Variants in FBN1 observed in about 807,000 individuals in gnomAD.
FBN1 encodes fibrillin-1.
A neutral mutation model predicts 365.1 loss-of-function variants in FBN1; 29 were observed. The ratio of observed to expected loss-of-function variants is 0.08; its 90% CI spans 0.06 to 0.11. The LOEUF (loss-of-function observed/expected upper bound fraction) is 0.11. Ranked by LOEUF, FBN1 falls within the 10% of genes least tolerant of loss-of-function variation. The probability of loss-of-function intolerance (pLI) is 1.00; values close to 1 mark genes in which losing one functional copy is unlikely to be tolerated. For synonymous variants in FBN1, 1,210 were observed against 1,270.5 expected, an observed-to-expected ratio of 0.95 and a Z score of 1.01; for missense variants, 2,476 against 3,703.2, an observed-to-expected ratio of 0.67 and a Z score of 8.60.
At chr15:48,423,986 G>C (rs2042961267) in intron 60 of FBN1, among the ~76,000 whole-genome samples, 1 of 152,098 alleles carries the variant, frequency 6.6e-6, no homozygotes, top group Non-Finnish European at 1.5e-5. Flanking sequence ...CCAGAGGTTA[G>C]AAAAAATGCT....
chr15:48,426,085 C>T (rs2042977700), intron 58 of FBN1, among the ~76,000 whole-genome samples: 1 of 152,070 alleles, frequency 6.6e-6, no homozygotes, highest in African/African-American at 2.4e-5. Context: ...AATAATTCAG[C>T]CACAGAAAAA....
rs1555398173 is a variant in FBN1, at chr15:48,481,768, C to T, written c.3851G>A (p.Cys1284Tyr). 1 of 1,613,368 alleles carries T rather than the reference C, an allele frequency of 6.2e-7. No homozygotes were observed. ...TAGGCAGATATTTGGATTCAGGTCACACTCATTGACATCTGTAAAACATAT... is the reference window on the plus strand; with the variant it reads ...TAGGCAGATATTTGGATTCAGGTCATACTCATTGACATCTGTAAAACATAT... ...DMKTCVDVNE[C>Y]DLNPNICLSG... The change falls in exon 32 of 66, where the codon TGT (cysteine) becomes TAT (tyrosine). Residue 1284 changes from cysteine to tyrosine, a missense_variant. Cys to Tyr is a radical substitution (Grantham distance 194). Transcript: ENST00000316623.
intron 4 of FBN1, among the ~76,000 whole-genome samples, chr15:48,605,896 A>G (rs888290635): frequency 6.6e-6 from 1 of 152,208 alleles, no homozygotes; most frequent in Non-Finnish European, 1.5e-5. Context: ...TTAATGAAAA[A>G]TAAGAATCTG....
rs1332916803 is a variant in FBN1 at position 48,436,944 on chromosome 15, G to A, written c.6496+17C>T. The A allele has an allele frequency of 6.8e-7, 1 of 1,466,128 alleles. No individual in the cohort carries two copies. The highest frequency in any genetic ancestry group is 2.3e-5 in the East Asian group (1 of 44,164). The allele number at this position is 1,466,128 out of a possible 1,614,324, so 90.8% of individuals were successfully genotyped here. A position where few individuals can be genotyped will look rare whatever the true frequency, so the allele number is the denominator to read the frequency against. ...TTTAATTTGTAAAGTTCCTATGGAAGAAAACTTATTACTCACCTACACATT... is the reference window on the plus strand; with the variant it reads ...TTTAATTTGTAAAGTTCCTATGGAAAAAAACTTATTACTCACCTACACATT... On this transcript the variant is annotated intron_variant, in intron 53 of 65. Transcript: ENST00000316623.
At chr15:48,571,546 G>A (rs12910434) in intron 6 of FBN1, among the ~76,000 whole-genome samples, 22,217 of 151,906 alleles carry the variant, frequency 0.15, 1,840 homozygotes, top group East Asian at 0.36. Context: ...TTAAAGTAAA[G>A]AAGATTAAAA....
intron 32 of FBN1, among the ~76,000 whole-genome samples, chr15:48,478,371 G>C (rs972223443): frequency 6.6e-6 from 1 of 152,170 alleles, no homozygotes; most frequent in Non-Finnish European, 1.5e-5. Flanking sequence ...ATCCACCAGA[G>C]ACATTTCTCT....
chr15:48,631,272 G>C (rs1167820655), intron 2 of FBN1, among the ~76,000 whole-genome samples: 1 of 152,190 alleles, frequency 6.6e-6, no homozygotes, highest in Non-Finnish European at 1.5e-5. Flanking sequence ...TGAGCATTAT[G>C]TTGCTGCATG....
At chr15:48,506,255 A>T (rs2043706733) in intron 15 of FBN1, among the ~76,000 whole-genome samples, 1 of 152,158 alleles carries the variant, frequency 6.6e-6, no homozygotes, top group Non-Finnish European at 1.5e-5. Flanking sequence ...AAAAAAGCAA[A>T]TGATTTTATA....
chr15:48,489,368 T>A (rs1438149819), intron 25 of FBN1, among the ~76,000 whole-genome samples: 1 of 152,030 alleles, frequency 6.6e-6, no homozygotes, highest in Non-Finnish European at 1.5e-5. Flanking sequence ...ATTAATATAA[T>A]TTAAAGAGCT....
intron 42 of FBN1, 130 bp from the exon 43 acceptor site, chr15:48,460,447 A>G (rs2043272391): frequency 2.9e-6 from 2 of 682,706 alleles, no homozygotes; most frequent in African/African-American, 3.6e-5. Flanking sequence ...TTAAAATAAA[A>G]AGTAAACCTG....
intron 4 of FBN1, among the ~76,000 whole-genome samples, chr15:48,609,463 G>A (rs1195207136): frequency 6.6e-6 from 1 of 152,224 alleles, no homozygotes; most frequent in African/African-American, 2.4e-5. Context: ...GAGTGGGAAA[G>A]TGAGACAAAA....
intron 32 of FBN1, among the ~76,000 whole-genome samples, chr15:48,478,604 A>G (rs927033324): frequency 6.6e-6 from 1 of 152,200 alleles, no homozygotes; most frequent in Non-Finnish European, 1.5e-5. Flanking sequence ...AACAAGCAGC[A>G]GAAGCCTTAC....
intron 2 of FBN1, chr15:48,643,313 T>A (rs961313660): frequency 1.3e-5 from 2 of 152,202 alleles, no homozygotes; most frequent in African/African-American, 4.8e-5. Flanking sequence ...CCTTCCAACA[T>A]TATCGGAATT....
chr15:48,629,006 G>T (rs760952106), intron 2 of FBN1, among the ~76,000 whole-genome samples: 4 of 152,166 alleles, frequency 2.6e-5, no homozygotes, highest in Admixed American at 6.5e-5. Context: ...CATACCACTG[G>T]AATGCAGTCA....
chr15:48,520,785 T>G lies in FBN1; in HGVS notation c.1021A>C (p.Thr341Pro). The G allele has an allele frequency of 6.2e-7, 1 of 1,614,176 alleles. No homozygotes were observed. ...VRPGYCYTALTNGRCSNQLPQ... is the reference protein window; with the variant it reads ...VRPGYCYTALPNGRCSNQLPQ... Reference sequence around the variant, plus strand: ...AGCTGGTTAGAGCAGCGCCCGTTTGTCAGAGCTGTGTAACAGTATCCTGGG... The same window carrying G: ...AGCTGGTTAGAGCAGCGCCCGTTTGGCAGAGCTGTGTAACAGTATCCTGGG... The change falls in exon 10 of 66, where the codon ACA becomes CCA. Residue 341 changes from threonine to proline, a missense_variant. Physicochemically the swap from Thr to Pro is conservative, Grantham distance 38 (BLOSUM62 -1). Around this residue, in one of 5 missense-constraint regions of FBN1, gnomAD observed 421 missense variants for 520.1 expected, o/e 0.81. Coordinates refer to ENST00000316623, the MANE Select transcript of FBN1 (RefSeq NM_000138.5).
chr15:48,516,333 T>G lies in FBN1; in HGVS notation c.1177A>C (p.Met393Leu). The change falls in exon 11 of 66, where the codon ATG becomes CTG. Residue 393 changes from methionine (M) to leucine (L), a missense_variant. Physicochemically the swap from Met to Leu is conservative, Grantham distance 15. This residue lies in a region of FBN1 where 421 missense variants were observed against 520.1 expected (regional missense o/e 0.81). Transcript: ENST00000316623. The part of the protein sequence containing the change: ...EDFNKLCSVP[M>L]VIPGRPEYPP... ...TATTCTGGTCTCCCAGGAATTACCA[T>G]AGGAACAGAGCACAGCTTGTTGAAA... 6.2e-7 allele frequency: 1 copy of G among 1,613,846 alleles called. No individual in the cohort carries two copies. Among genetic ancestry groups the G allele is most frequent in the Non-Finnish European group, 8.5e-7 (1 of 1,179,920 alleles).
chr15:48,411,980 C>T (rs1195064850), intron 65 of FBN1, among the ~76,000 whole-genome samples: 1 of 152,354 alleles, frequency 6.6e-6, no homozygotes, highest in East Asian at 1.9e-4. Flanking sequence ...ATATTCAATG[C>T]TTTTCACCTG....
chr15:48,534,020 A>G (rs2043993060), intron 8 of FBN1, 60 bp downstream of exon 8: 6 of 1,607,588 alleles, frequency 3.7e-6, no homozygotes, highest in Admixed American at 1.7e-5. Flanking sequence ...GCTTGTTTCT[A>G]ATGTTGAGTT....
rs2043606965 is a variant in FBN1, at chr15:48,496,168, G to A, written c.2351C>T (p.Thr784Ile). ...LLCDNGQCRN[T>I]PGSFVCTCPK... ...GCAGGTACAGACAAAACTTCCAGGA[G>A]TATTTCTACATTGTCCATTGTCACA... The change falls in exon 20 of 66, where the codon ACT becomes ATT. Residue 784 changes from threonine (T) to isoleucine (I), a missense_variant. By Grantham distance (89) the Thr-to-Ile change is moderately conservative. Around this residue, in one of 5 missense-constraint regions of FBN1, gnomAD observed 1,780 missense variants for 2,840.8 expected, o/e 0.63. Transcript: ENST00000316623. 3.1e-6 allele frequency: 5 copies of A among 1,613,686 alleles called. No individual in the cohort carries two copies. Among genetic ancestry groups the A allele is most frequent in the Non-Finnish European group, 4.2e-6 (5 of 1,179,746 alleles).
Sources: gnomAD v4.1 joint callset for allele counts (sites outside exome capture counted in the v4.1 genomes callset) on GRCh38, gnomAD v4.1.1 for gene constraint, gnomAD v4.1.1 regional missense constraint, MANE v1.5 for transcripts, NCBI Gene and HGNC (gene_info 2026-07-23, HGNC 2026-07-21) for gene names.